TEX14: variants seen among roughly 807,000 people sequenced by gnomAD.
TEX14 encodes the protein inactive serine/threonine-protein kinase TEX14.
A neutral mutation model predicts 178.6 loss-of-function variants in TEX14; 168 were observed. That is an observed-to-expected ratio of 0.94 (90% CI 0.83 to 1.07). The LOEUF (loss-of-function observed/expected upper bound fraction) is 1.07. Among genes scored for constraint, TEX14 ranks in the 50% least tolerant of loss-of-function variants. TEX14 has a pLI of 0.00. For synonymous variants in TEX14, 626 were observed against 634.1 expected, an observed-to-expected ratio of 0.99 and a Z score of 0.19; for missense variants, 1,730 against 1,753.6, an observed-to-expected ratio of 0.99 and a Z score of 0.24.
At chr17:58,617,797 T>C (rs946645072) in intron 5 of TEX14, among the ~76,000 whole-genome samples, 178 bp from the exon 6 acceptor site, 1 of 152,226 alleles carries the variant, frequency 6.6e-6, no homozygotes, top group Non-Finnish European at 1.5e-5. Flanking sequence ...TGATTCTCAC[T>C]TACCGGTATG....
intron 26 of TEX14, among the ~76,000 whole-genome samples, 195 bp from the exon 27 acceptor site, chr17:58,566,019 G>A (rs2044390297): frequency 6.6e-6 from 1 of 152,116 alleles, no homozygotes; most frequent in Non-Finnish European, 1.5e-5. Flanking sequence ...AGCAATGTGT[G>A]TTTTACTTAG....
chr17:58,605,112 T>C lies in TEX14; in HGVS notation c.1202A>G (p.Gln401Arg). ...AAGGGGCACTCGAGTCAGGTCCCTC[T>C]GTACACCTCTGTCCTCGCTACGGAA... ...YMLESEDRGV[Q>R]RDLTRVPLPT... The change falls in exon 11 of 32, where the codon CAG (glutamine) becomes CGG (arginine). Residue 401 changes from glutamine (Q) to arginine (R), a missense_variant. Gln to Arg is a conservative substitution (Grantham distance 43). Coordinates refer to ENST00000349033, the MANE Select transcript of TEX14 (RefSeq NM_031272.5). The C allele has an allele frequency of 6.2e-7, 1 of 1,614,178 alleles. No homozygotes were observed. The highest frequency in any genetic ancestry group is 1.1e-5 in the South Asian group (1 of 91,086).
At chr17:58,624,778 T>C (rs1348275960) in intron 3 of TEX14, among the ~76,000 whole-genome samples, 1 of 152,226 alleles carries the variant, frequency 6.6e-6, no homozygotes, top group Non-Finnish European at 1.5e-5. Flanking sequence ...CTACATAGTA[T>C]GCCAATGAAT....
intron 1 of TEX14, among the ~76,000 whole-genome samples, chr17:58,687,168 G>C (rs1464117349): frequency 6.6e-6 from 1 of 152,058 alleles, no homozygotes; most frequent in Non-Finnish European, 1.5e-5. Flanking sequence ...CAGAAGATTT[G>C]CTGGAGGCAA....
chr17:58,588,173 G>T, intron 15 of TEX14, 152 bp from the exon 16 acceptor site: 1 of 603,828 alleles, frequency 1.7e-6, no homozygotes, highest in African/African-American at 1.8e-5. Context: ...CAATCCCTGG[G>T]CTGTTGCAGA....
chr17:58,651,955 C>G lies in TEX14; in HGVS notation c.47G>C (p.Gly16Ala), dbSNP rs1307844748. 1 of 1,613,056 alleles carries G rather than the reference C, an allele frequency of 6.2e-7. No individual in the cohort carries two copies. Among genetic ancestry groups the G allele is most frequent in the Non-Finnish European group, 8.5e-7 (1 of 1,179,766 alleles). ...TTCCAGGGAGTCATTTCTTAAGGTACCAAGTTGAACAGGACAGGGGACTGG... is the reference window on the plus strand; with the variant it reads ...TTCCAGGGAGTCATTTCTTAAGGTAGCAAGTTGAACAGGACAGGGGACTGG... ...RLPVPCPVQL[G>A]TLRNDSLEAQ... Residue 16 changes from glycine to alanine, a missense_variant, in exon 2 of 32, where the codon GGT becomes GCT. By Grantham distance (60) the Gly-to-Ala change is moderately conservative. Around this residue, in one of 2 missense-constraint regions of TEX14, gnomAD observed 789 missense variants for 681.2 expected, o/e 1.16. Coordinates refer to ENST00000349033, the MANE Select transcript of TEX14 (RefSeq NM_031272.5).
intron 31 of TEX14, among the ~76,000 whole-genome samples, chr17:58,557,309 T>A (rs1171228581): frequency 6.6e-6 from 1 of 151,594 alleles, no homozygotes; most frequent in African/African-American, 2.4e-5. Flanking sequence ...CTTGCTCTTA[T>A]CCCCCAGGTG....
At chr17:58,628,517 C>G (rs1237302952) in intron 3 of TEX14, among the ~76,000 whole-genome samples, 1 of 152,094 alleles carries the variant, frequency 6.6e-6, no homozygotes, top group Non-Finnish European at 1.5e-5. Flanking sequence ...TGGAGACCAT[C>G]CTAGCTAACA....
At chr17:58,571,013 G>C (rs1376908375) in intron 24 of TEX14, among the ~76,000 whole-genome samples, 1 of 152,092 alleles carries the variant, frequency 6.6e-6, no homozygotes, top group Non-Finnish European at 1.5e-5. Flanking sequence ...TCACTAGACA[G>C]TGAGCTCCTT....
intron 21 of TEX14, among the ~76,000 whole-genome samples, chr17:58,574,989 T>C (rs2044641964): frequency 6.6e-6 from 1 of 152,010 alleles, no homozygotes. Context: ...TACCAAAAAA[T>C]GGCCAGAATA....
At chr17:58,606,330 T>C (rs1205739591) in intron 10 of TEX14, among the ~76,000 whole-genome samples, 1 of 152,174 alleles carries the variant, frequency 6.6e-6, no homozygotes. Context: ...ATGAATATTA[T>C]GGGAGGCATT....
chr17:58,599,239 T>A lies in TEX14; in HGVS notation c.2106A>T (p.Ser702=). 2 of 1,613,898 alleles carry A rather than the reference T, an allele frequency of 1.2e-6. No homozygotes were observed. Among genetic ancestry groups the A allele is most frequent in the Non-Finnish European group, 1.7e-6 (2 of 1,180,024 alleles). ...CTCTGGTTGACTCAGGAAGGCTGAG[T>A]GAACTGAGTGAACCGTTTTGCCAGT... ...DWDWQNGSLS[S]LSLPESTREA... The change falls in exon 14 of 32, where the codon TCA becomes TCT. Residue 702 remains serine, a synonymous_variant. Transcript: ENST00000349033.
Position 58,565,840 on chromosome 17 carries a change from A to G in TEX14, c.3887-16T>C. ...TTCAAGAGCTCTGTCACAACACAAAAGCCAAAGGAAACTTATTTCCTCCCT... is the reference window on the plus strand; with the variant it reads ...TTCAAGAGCTCTGTCACAACACAAAGGCCAAAGGAAACTTATTTCCTCCCT... On this transcript the variant is annotated splice_polypyrimidine_tract_variant and intron_variant, in intron 26 of 31. Transcript: ENST00000349033. 1 of 1,592,836 alleles carries G rather than the reference A, an allele frequency of 6.3e-7. No homozygotes were observed. The highest frequency in any genetic ancestry group is 8.6e-7 in the Non-Finnish European group (1 of 1,168,692).
chr17:58,684,185 T>C (rs1257661754), intron 1 of TEX14, among the ~76,000 whole-genome samples: 1 of 149,758 alleles, frequency 6.7e-6, no homozygotes, highest in African/African-American at 2.5e-5. Flanking sequence ...CCGCCCGGCA[T>C]GGTGACTCAC....
At chr17:58,660,210 G>A (rs1170339121) in intron 1 of TEX14, among the ~76,000 whole-genome samples, 1 of 150,562 alleles carries the variant, frequency 6.6e-6, no homozygotes, top group African/African-American at 2.4e-5. Flanking sequence ...CTCAAGACCA[G>A]CCTGACCAAC....
chr17:58,614,499 G>A (rs76891139), intron 8 of TEX14, among the ~76,000 whole-genome samples: 32 of 152,038 alleles, frequency 2.1e-4, no homozygotes, highest in Middle Eastern at 3.4e-3. Flanking sequence ...TACCCTCCCC[G>A]CAAAAAAAAT....
chr17:58,570,616 C>CTTTT (rs71143252), intron 24 of TEX14, 132 bp from the exon 25 acceptor site: 11 of 88,034 alleles, frequency 1.2e-4, no homozygotes, highest in South Asian at 8.1e-4. Flanking sequence ...GGGAAGCCTC[C>CTTTT]TTTTTTTTTT....
At position 58,570,312 on chromosome 17, in the gene TEX14, A is replaced by G. The variant is rs886815839; in HGVS notation, c.3817+73T>C. On this transcript the variant is annotated intron_variant, in intron 25 of 31. Coordinates refer to ENST00000349033, the MANE Select transcript of TEX14 (RefSeq NM_031272.5). ...CATTTCTGTCTGAACCTAATGTGGC[A>G]TCAAAGATTGATAAGCATCAATTTA... is the stretch of plus-strand genomic sequence containing the variant. The G allele has an allele frequency of 2.0e-5, 19 of 966,976 alleles. No homozygotes were observed. The African/African-American group carries it at 2.6e-4, about 13-fold the overall frequency. 59.9% of individuals were successfully genotyped at this position (966,976 alleles called of 1,614,324 possible).
At chr17:58,641,468 TTTTC>T (rs144126341) in intron 2 of TEX14, among the ~76,000 whole-genome samples, 27,455 of 146,914 alleles carry the variant, frequency 0.19, 2,670 homozygotes, top group Non-Finnish European at 0.21. Context: ...GTAGCCATTC[TTTTC>T]TTTCTTTCTC....
Sources: gnomAD v4.1 joint callset for allele counts (sites outside exome capture counted in the v4.1 genomes callset) on GRCh38, gnomAD v4.1.1 for gene constraint, gnomAD v4.1.1 regional missense constraint, MANE v1.5 for transcripts, NCBI Gene and HGNC (gene_info 2026-07-23, HGNC 2026-07-21) for gene names.